PXDN: variants seen among roughly 807,000 people sequenced by gnomAD.
The protein encoded by PXDN is peroxidasin homolog.
In PXDN, 77 loss-of-function variants were observed where a neutral mutation model predicts 140.3. The observed-to-expected ratio is 0.55, with a 90% CI of 0.46 to 0.66. The LOEUF is 0.66. PXDN is among the 30% of genes least tolerant of loss of function. The pLI is 0.00. For missense variants in PXDN, 1,838 were observed against 2,039.5 expected (o/e 0.90, Z 1.90); for synonymous variants, 911 against 857.4 (o/e 1.06, Z -1.09).
intron 14 of PXDN, 91 bp from the exon 15 acceptor site, chr2:1,654,599 G>A (rs1042610407): frequency 6.3e-5 from 45 of 718,636 alleles, no homozygotes; most frequent in African/African-American, 4.0e-4. Context: ...TAGCCACAAG[G>A]CATACTTTTC....
intron 1 of PXDN, among the ~76,000 whole-genome samples, chr2:1,742,815 C>T (rs562427251): frequency 6.6e-6 from 1 of 152,326 alleles, no homozygotes; most frequent in Non-Finnish European, 1.5e-5. Context: ...GGAACTCGGG[C>T]CCCCGCCCCG....
chr2:1,712,461 GT>G (rs1169387475), intron 1 of PXDN, among the ~76,000 whole-genome samples: 3 of 152,192 alleles, frequency 2.0e-5, no homozygotes, highest in Non-Finnish European at 2.9e-5. Flanking sequence ...GAAGACAACT[GT>G]TTGGAGGGTC....
Position 1,651,445 on chromosome 2 carries a change from G to T in PXDN, c.2105-1770C>A, listed in dbSNP as rs1683011767. ...GTCACCCAGCCCGATGCTTGAAAAT[G>T]CATCAAACCATGTTGCTTCTCTGCA... On this transcript the variant is annotated intron_variant, in intron 16 of 22. Transcript: ENST00000252804. This position sits in a 1 kb window ranked among gnomAD's most constrained non-coding sequence, Gnocchi z 4.4. Among the ~76,000 whole-genome samples the T allele has an allele frequency of 6.6e-6, 1 of 152,174 alleles. No individual in the cohort carries two copies. The highest frequency in any genetic ancestry group is 2.1e-4 in the South Asian group (1 of 4,820).
intron 1 of PXDN, among the ~76,000 whole-genome samples, chr2:1,710,802 GCACCCAC>G (rs1179787814): frequency 2.4e-4 from 9 of 37,790 alleles, no homozygotes; most frequent in East Asian, 2.0e-3. Context: ...CACTCCACCA[GCACCCAC>G]TCCACCAGCA....
At chr2:1,640,249 C>T (rs1252361968) in intron 19 of PXDN, among the ~76,000 whole-genome samples, 1 of 152,222 alleles carries the variant, frequency 6.6e-6, no homozygotes, top group East Asian at 1.9e-4. Context: ...ATGGGGTGTT[C>T]AGTCTGTCTT....
Position 1,744,265 on chromosome 2 carries a change from G to A in PXDN, c.191C>T (p.Thr64Ile), listed in dbSNP as rs866597447. The change falls in exon 1 of 23, where the codon ACC becomes ATC. Residue 64 changes from threonine (T) to isoleucine (I), a missense_variant. Thr to Ile is a moderately conservative substitution (Grantham distance 89). Transcript: ENST00000252804. ...LEAVPAVAPQ[T>I]SILDLRFNRI... ...CCCCCGCGGCACTCACAGGATGGAG[G>A]TCTGCGGCGCCACGGCGGGCACGGC... is the stretch of plus-strand genomic sequence containing the variant. 7.9e-6 allele frequency: 12 copies of A among 1,517,082 alleles called. No individual in the cohort carries two copies. Among genetic ancestry groups the A allele is most frequent in the African/African-American group, 1.4e-5 (1 of 70,554 alleles). The allele number at this position is 1,517,082 out of a possible 1,614,324, so 94.0% of individuals were successfully genotyped here. A position where few individuals can be genotyped will look rare whatever the true frequency, so the allele number is the denominator to read the frequency against.
chr2:1,673,523 G>A, intron 9 of PXDN, 120 bp downstream of exon 9: 1 of 1,339,434 alleles, frequency 7.5e-7, no homozygotes, highest in Non-Finnish European at 1.0e-6. Context: ...CCCTGGTACT[G>A]GAGCTTCAAC....
chr2:1,638,483 G>A (rs962798365), intron 21 of PXDN, among the ~76,000 whole-genome samples: 1 of 152,194 alleles, frequency 6.6e-6, no homozygotes, highest in African/African-American at 2.4e-5. Context: ...CCCTGGGAGA[G>A]ATGATTCAGA....
intron 1 of PXDN, among the ~76,000 whole-genome samples, chr2:1,693,566 T>G (rs1041206762): frequency 2.6e-5 from 4 of 152,218 alleles, no homozygotes; most frequent in African/African-American, 7.2e-5. Context: ...TCTTCCTTAG[T>G]CAACGACCTA....
In PXDN at chr2:1,644,732, T is replaced by C. The variant is rs760383596; in HGVS notation, c.3629A>G (p.Asn1210Ser). ...CACGAGCGCCGGAAACAGGTCGATGTTGAGTGTCGAGCCATACAACCTAAA... is the reference window on the plus strand; with the variant it reads ...CACGAGCGCCGGAAACAGGTCGATGCTGAGTGTCGAGCCATACAACCTAAA... The part of the protein sequence containing the change: ...KLKRLYGSTL[N>S]IDLFPALVVE... Residue 1210 changes from asparagine (N) to serine (S), a missense_variant, in exon 18 of 23, where the codon AAC (asparagine) becomes AGC (serine). Asn to Ser is a conservative substitution (Grantham distance 46, BLOSUM62 1). Transcript: ENST00000252804. 3.8e-6 allele frequency: 6 copies of C among 1,579,586 alleles called. No individual in the cohort carries two copies. The South Asian group carries it at 5.8e-5, about 15-fold the overall frequency.
At chr2:1,731,409 C>T (rs530979648) in intron 1 of PXDN, among the ~76,000 whole-genome samples, 69 of 152,220 alleles carry the variant, frequency 4.5e-4, no homozygotes, top group African/African-American at 1.5e-3. Context: ...CTCTCCAGTG[C>T]GCTGGGAGCA....
chr2:1,724,508 CT>C (rs1222660679), intron 1 of PXDN, among the ~76,000 whole-genome samples: 1 of 152,098 alleles, frequency 6.6e-6, no homozygotes, highest in Non-Finnish European at 1.5e-5. Context: ...AAAGATCTTG[CT>C]GCAGAACACC....
chr2:1,695,951 G>A (rs1684291758), intron 1 of PXDN, among the ~76,000 whole-genome samples: 1 of 138,468 alleles, frequency 7.2e-6, no homozygotes, highest in East Asian at 2.2e-4. Context: ...TATGCCCTGG[G>A]TCTGAGCACC....
In PXDN at chr2:1,654,449, C is replaced by G; in HGVS notation, c.1897G>C (p.Ala633Pro). The G allele has an allele frequency of 6.2e-7, 1 of 1,613,878 alleles. No homozygotes were observed. Among genetic ancestry groups the G allele is most frequent in the Non-Finnish European group, 8.5e-7 (1 of 1,179,762 alleles). The stretch of plus-strand genomic sequence containing the variant: ...GAGTTTATAGCTCTGTCAACAGTCG[C>G]AATCGCTTCCACGATGGAGGTAGCT... ...FVATSIVEAI[A>P]TVDRAINSTR... Residue 633 changes from alanine to proline, a missense_variant, in exon 15 of 23, where the codon GCG becomes CCG. This residue lies in a region of PXDN where 537 missense variants were observed against 583.9 expected (regional missense o/e 0.92). Coordinates refer to ENST00000252804, the MANE Select transcript of PXDN (RefSeq NM_012293.3).
intron 12 of PXDN, among the ~76,000 whole-genome samples, chr2:1,662,928 T>G (rs2125424806): frequency 6.6e-6 from 1 of 152,304 alleles, no homozygotes; most frequent in South Asian, 2.1e-4. Flanking sequence ...GCTCAGGGTC[T>G]GTGGCAACCT....
intron 1 of PXDN, among the ~76,000 whole-genome samples, chr2:1,711,365 CACCAGCATCCACTCT>C (rs1684772158): frequency 8.5e-6 from 1 of 118,202 alleles, no homozygotes; most frequent in Admixed American, 8.5e-5. Context: ...GCACCCGCTC[CACCAGCATCCACTCT>C]ACCAGCACCC....
Position 1,663,777 on chromosome 2 carries a change from G to A in PXDN, c.1409-14C>T. 6.2e-7 allele frequency: 1 copy of A among 1,610,132 alleles called. No homozygotes were observed. ...AGAGCTGGCTCCCTGCAAGGGCATG[G>A]GCCCGTTACACTGGACACTCGGACG... On this transcript the variant is annotated splice_polypyrimidine_tract_variant and intron_variant, in intron 11 of 22. Transcript: ENST00000252804.
At chr2:1,701,936 C>T (rs1220151561) in intron 1 of PXDN, among the ~76,000 whole-genome samples, 1 of 152,154 alleles carries the variant, frequency 6.6e-6, no homozygotes, top group Non-Finnish European at 1.5e-5. Flanking sequence ...ACCCAATTGG[C>T]TGGTGCTTGA....
intron 1 of PXDN, among the ~76,000 whole-genome samples, chr2:1,722,709 C>G (rs1329478185): frequency 3.3e-5 from 5 of 152,240 alleles, no homozygotes; most frequent in African/African-American, 9.6e-5. Context: ...ATCTCCTTCT[C>G]TATAACCCTC....
Sources: allele counts gnomAD v4.1 joint callset (sites outside exome capture counted in the v4.1 genomes callset), GRCh38; gene constraint gnomAD v4.1.1; regional missense constraint gnomAD v4.1.1; non-coding constraint Gnocchi (gnomAD v3.1); transcripts MANE v1.5; gene names NCBI Gene and HGNC (gene_info 2026-07-23, HGNC 2026-07-21).